Variants in DLC1 observed in about 807,000 individuals in gnomAD.
DLC1 encodes the protein rho GTPase-activating protein 7.
In DLC1, 54 loss-of-function variants were observed where a neutral mutation model predicts 140.3. The ratio of observed to expected loss-of-function variants is 0.38; its 90% CI spans 0.31 to 0.48. The LOEUF is 0.48. DLC1 is among the 20% of genes least tolerant of loss of function. The probability of loss-of-function intolerance (pLI) is 0.96; values close to 1 mark genes in which losing one functional copy is unlikely to be tolerated. For missense variants in DLC1, 2,536 were observed against 1,907.0 expected (o/e 1.33, Z -6.14); for synonymous variants, 986 against 728.1 (o/e 1.35, Z -5.70).
chr8:13,133,055 G>C, intron 5 of DLC1: 1 of 1,562,930 alleles, frequency 6.4e-7, no homozygotes, highest in Non-Finnish European at 8.7e-7. Flanking sequence ...TCCGCGTCGG[G>C]ACCCACGGCG....
At chr8:13,580,410 C>T (rs916811015) in intron 1 of DLC1, among the ~76,000 whole-genome samples, 1 of 152,180 alleles carries the variant, frequency 6.6e-6, no homozygotes, top group Non-Finnish European at 1.5e-5. Flanking sequence ...CGTGAGCCAC[C>T]GCGCCCGGCA....
intron 5 of DLC1, among the ~76,000 whole-genome samples, chr8:13,209,089 C>T (rs1254112999): frequency 6.6e-6 from 1 of 152,064 alleles, no homozygotes; most frequent in African/African-American, 2.4e-5. Context: ...CCGTAGATGC[C>T]AGAAAAACAA....
At chr8:13,552,680 C>A (rs1803907807) in intron 1 of DLC1, among the ~76,000 whole-genome samples, 1 of 151,438 alleles carries the variant, frequency 6.6e-6, no homozygotes, top group African/African-American at 2.4e-5. Flanking sequence ...AAGAGAAAAG[C>A]AACAACAAAA....
intron 5 of DLC1, among the ~76,000 whole-genome samples, chr8:13,210,369 A>G (rs986521145): frequency 6.6e-6 from 1 of 152,194 alleles, no homozygotes. Flanking sequence ...GAATGACATC[A>G]ACAATGTCAT....
chr8:13,354,780 A>C (rs1834842472), intron 4 of DLC1, among the ~76,000 whole-genome samples: 1 of 122,946 alleles, frequency 8.1e-6, no homozygotes. Flanking sequence ...CCCCATCTCT[A>C]CAAAAAATAA....
At chr8:13,314,387 CAT>C (rs1011904464) in intron 4 of DLC1, among the ~76,000 whole-genome samples, 17 of 150,208 alleles carry the variant, frequency 1.1e-4, no homozygotes, top group African/African-American at 3.4e-4. Flanking sequence ...ATAGAGGTAA[CAT>C]ATTGGTTTAC....
intron 4 of DLC1, among the ~76,000 whole-genome samples, chr8:13,312,227 A>G (rs375509277): frequency 1.2e-4 from 16 of 137,842 alleles, no homozygotes; most frequent in South Asian, 5.2e-4. Flanking sequence ...CGGGCGTGGT[A>G]GCGGGCGCCT....
intron 5 of DLC1, among the ~76,000 whole-genome samples, chr8:13,148,912 C>T (rs1324440009): frequency 2.0e-5 from 3 of 152,134 alleles, no homozygotes; most frequent in Non-Finnish European, 4.4e-5. Context: ...CCAGCCTCAG[C>T]CTGCCGAGTA....
intron 5 of DLC1, among the ~76,000 whole-genome samples, chr8:13,117,640 G>C (rs1047556491): frequency 6.6e-6 from 1 of 152,374 alleles, no homozygotes; most frequent in East Asian, 1.9e-4. Context: ...CAGACTGTTA[G>C]ACATTGAACA....
Position 13,132,738 on chromosome 8 carries a change from C to T in DLC1, c.1349-17081G>A, listed in dbSNP as rs180889897. 2.6e-5 allele frequency among the ~76,000 whole-genome samples: 4 copies of T among 152,346 alleles called. No individual in the cohort carries two copies. The East Asian group carries it at 7.7e-4, about 29-fold the overall frequency. On this transcript the variant is annotated intron_variant, in intron 5 of 17. Coordinates refer to ENST00000276297, the MANE Select transcript of DLC1 (RefSeq NM_182643.3). ...GGCAAAAGGTAATCAAGAGTCACTC[C>T]TCCAAAATTCAAACTCCCTCCCCAA...
chr8:13,546,486 A>C (rs902560165), intron 1 of DLC1, among the ~76,000 whole-genome samples: 7 of 152,118 alleles, frequency 4.6e-5, no homozygotes, highest in African/African-American at 1.7e-4. Flanking sequence ...TTTATCTACA[A>C]ATTTTACAAG....
At chr8:13,390,921 C>T (rs1022734235) in intron 4 of DLC1, among the ~76,000 whole-genome samples, 4 of 148,862 alleles carry the variant, frequency 2.7e-5, no homozygotes, top group African/African-American at 7.4e-5. Context: ...GGAGGCAGAG[C>T]TCGCAGTGAG....
chr8:13,401,218 G>C (rs1445852958), intron 3 of DLC1, among the ~76,000 whole-genome samples: 1 of 152,138 alleles, frequency 6.6e-6, no homozygotes, highest in African/African-American at 2.4e-5. Context: ...AATTTCCTAA[G>C]GTGACTTTCC....
intron 2 of DLC1, among the ~76,000 whole-genome samples, chr8:13,468,811 CT>C (rs78775803): frequency 4.4e-5 from 4 of 89,962 alleles, no homozygotes; most frequent in South Asian, 4.4e-4. Flanking sequence ...TTTATGTCTG[CT>C]TTTTTTTTTT....
chr8:13,174,030 A>G (rs1332153968), intron 5 of DLC1, among the ~76,000 whole-genome samples: 1 of 151,828 alleles, frequency 6.6e-6, no homozygotes, highest in African/African-American at 2.4e-5. Context: ...TCTTCCCCCT[A>G]TTATAGTCCC....
intron 7 of DLC1, among the ~76,000 whole-genome samples, chr8:13,109,624 C>A (rs1300563452): frequency 6.6e-6 from 1 of 150,980 alleles, no homozygotes; most frequent in Non-Finnish European, 1.5e-5. Flanking sequence ...GTGGCTCACG[C>A]CTGTAATCCC....
intron 1 of DLC1, among the ~76,000 whole-genome samples, chr8:13,545,153 A>G (rs1803611247): frequency 6.6e-6 from 1 of 152,136 alleles, no homozygotes; most frequent in Non-Finnish European, 1.5e-5. Context: ...ACATTTATGA[A>G]CAAAATATTT....
intron 5 of DLC1, among the ~76,000 whole-genome samples, chr8:13,291,976 A>G (rs889260401): frequency 9.0e-6 from 1 of 110,938 alleles, no homozygotes; most frequent in South Asian, 3.7e-4. Context: ...CAAACAAAAA[A>G]TGCAATGTTT....
chr8:13,090,900 G>T (rs536991848), intron 14 of DLC1, among the ~76,000 whole-genome samples: 22 of 151,480 alleles, frequency 1.5e-4, no homozygotes, highest in African/African-American at 5.1e-4. Context: ...ACATCCCTGG[G>T]CTCAGGTGAT....
Sources: gnomAD v4.1 joint callset for allele counts (sites outside exome capture counted in the v4.1 genomes callset) on GRCh38, gnomAD v4.1.1 for gene constraint, MANE v1.5 for transcripts, NCBI Gene and HGNC (gene_info 2026-07-23, HGNC 2026-07-21) for gene names.